PCED1B: variants seen among roughly 807,000 people sequenced by gnomAD.
PCED1B encodes the protein PC-esterase domain-containing protein 1B.
For synonymous variants in PCED1B, 251 were observed against 246.1 expected, an observed-to-expected ratio of 1.02 and a Z score of -0.19; for missense variants, 573 against 573.9, an observed-to-expected ratio of 1.00 and a Z score of 0.02.
At chr12:47,228,862 A>C (rs112377689) in intron 3 of PCED1B, among the ~76,000 whole-genome samples, 2,520 of 151,268 alleles carry the variant, frequency 0.017, 41 homozygotes, top group South Asian at 0.028. Context: ...AACCAGAGTG[A>C]AACTCCGTCT....
At chr12:47,092,283 GT>G (rs953920563) in intron 1 of PCED1B, among the ~76,000 whole-genome samples, 10 of 151,936 alleles carry the variant, frequency 6.6e-5, no homozygotes, top group African/African-American at 2.4e-4. Flanking sequence ...AGGTGTTTGA[GT>G]TTTTTGATGC....
intron 2 of PCED1B, among the ~76,000 whole-genome samples, chr12:47,118,350 C>A (rs1939523886): frequency 6.6e-6 from 1 of 152,176 alleles, no homozygotes; most frequent in Non-Finnish European, 1.5e-5. Context: ...TTTAATCCAT[C>A]TTGAACTAAT....
chr12:47,095,290 T>C (rs1220098773), intron 1 of PCED1B, among the ~76,000 whole-genome samples: 1 of 152,156 alleles, frequency 6.6e-6, no homozygotes, highest in Non-Finnish European at 1.5e-5. Flanking sequence ...ATCTATAATT[T>C]ATGTTGATAA....
chr12:47,160,860 T>A (rs1941356037), intron 2 of PCED1B, among the ~76,000 whole-genome samples: 1 of 152,194 alleles, frequency 6.6e-6, no homozygotes, highest in East Asian at 1.9e-4. Context: ...GACTCTGCCC[T>A]TGTGTGTGGT....
At chr12:47,146,073 C>G (rs12810420) in intron 2 of PCED1B, among the ~76,000 whole-genome samples, 82,659 of 152,010 alleles carry the variant, frequency 0.54, 24,069 homozygotes, top group Non-Finnish European at 0.63. Flanking sequence ...TCAACATTAA[C>G]AGAGTTTGGA....
At chr12:47,171,330 G>A (rs765412731) in intron 2 of PCED1B, among the ~76,000 whole-genome samples, 1 of 152,114 alleles carries the variant, frequency 6.6e-6, no homozygotes, top group Non-Finnish European at 1.5e-5. Flanking sequence ...CCCTCCCAAA[G>A]TGCTGGGATT....
intron 2 of PCED1B, among the ~76,000 whole-genome samples, chr12:47,179,282 G>A (rs925268636): frequency 2.2e-4 from 33 of 152,096 alleles, no homozygotes; most frequent in Admixed American, 5.2e-4. Flanking sequence ...AAACTACGGA[G>A]GTCTGTTCTC....
At chr12:47,150,906 A>G (rs147152096) in intron 2 of PCED1B, among the ~76,000 whole-genome samples, 291 of 152,294 alleles carry the variant, frequency 1.9e-3, no homozygotes, top group African/African-American at 6.7e-3. Flanking sequence ...AGTCCTGGAG[A>G]ATTTTGGCCA....
intron 2 of PCED1B, among the ~76,000 whole-genome samples, chr12:47,194,180 C>CT (rs1471209701): frequency 6.6e-6 from 1 of 152,060 alleles, no homozygotes; most frequent in African/African-American, 2.4e-5. Flanking sequence ...AGGAATAGGT[C>CT]TTTTTTTATT....
At chr12:47,111,474 T>C (rs1434256229) in intron 2 of PCED1B, among the ~76,000 whole-genome samples, 1 of 152,076 alleles carries the variant, frequency 6.6e-6, no homozygotes, top group Non-Finnish European at 1.5e-5. Flanking sequence ...AAATTTACAG[T>C]TAGGGGCCTT....
intron 2 of PCED1B, among the ~76,000 whole-genome samples, chr12:47,199,445 T>C (rs1942701150): frequency 6.6e-6 from 1 of 152,138 alleles, no homozygotes; most frequent in Non-Finnish European, 1.5e-5. Flanking sequence ...CAACATAATA[T>C]TGTAAAAAAC....
At chr12:47,101,018 C>T (rs937099729) in intron 1 of PCED1B, among the ~76,000 whole-genome samples, 6 of 151,960 alleles carry the variant, frequency 3.9e-5, no homozygotes, top group South Asian at 4.2e-4. Context: ...TGCAGTGAGC[C>T]GAGATCGTGC....
chr12:47,086,312 TA>T (rs1328245005), intron 1 of PCED1B, among the ~76,000 whole-genome samples: 1 of 97,392 alleles, frequency 1.0e-5, no homozygotes, highest in Non-Finnish European at 2.0e-5. Flanking sequence ...AAATAACAAC[TA>T]AAAAGATTTT....
At chr12:47,109,730 G>A (rs1011934407) in intron 2 of PCED1B, among the ~76,000 whole-genome samples, 1 of 152,126 alleles carries the variant, frequency 6.6e-6, no homozygotes, top group Admixed American at 6.5e-5. Flanking sequence ...AGAGAAGGGG[G>A]TGCAATAGAA....
chr12:47,159,467 T>G (rs563968887), intron 2 of PCED1B, among the ~76,000 whole-genome samples: 3 of 152,300 alleles, frequency 2.0e-5, no homozygotes, highest in African/African-American at 7.2e-5. Flanking sequence ...TATCTCATTG[T>G]GGTTTTTGTT....
intron 1 of PCED1B, among the ~76,000 whole-genome samples, chr12:47,092,168 T>C (rs1565741835): frequency 6.6e-6 from 1 of 152,100 alleles, no homozygotes; most frequent in Non-Finnish European, 1.5e-5. Context: ...CTTCCAATTA[T>C]AATGATGCAT....
intron 3 of PCED1B, among the ~76,000 whole-genome samples, chr12:47,229,515 C>T (rs773765408): frequency 1.3e-5 from 2 of 152,038 alleles, no homozygotes; most frequent in Non-Finnish European, 2.9e-5. Context: ...TGGGGATGCC[C>T]ATACGTAGGC....
intron 2 of PCED1B, among the ~76,000 whole-genome samples, chr12:47,137,072 C>T (rs910102063): frequency 6.6e-6 from 1 of 152,200 alleles, no homozygotes; most frequent in African/African-American, 2.4e-5. Flanking sequence ...GCAACACTCT[C>T]GATTACTGTA....
At chr12:47,226,288 T>C (rs1175581969) in intron 3 of PCED1B, among the ~76,000 whole-genome samples, 1 of 152,222 alleles carries the variant, frequency 6.6e-6, no homozygotes, top group Non-Finnish European at 1.5e-5. Context: ...CTTCCAACAG[T>C]CTCAGGTACT....
Sources: gnomAD v4.1 joint callset for allele counts (sites outside exome capture counted in the v4.1 genomes callset) on GRCh38, gnomAD v4.1.1 for gene constraint, MANE v1.5 for transcripts, NCBI Gene and HGNC (gene_info 2026-07-23, HGNC 2026-07-21) for gene names.